The following SYNE2 variants were observed in gnomAD, a reference collection of about 807,000 sequenced individuals.
SYNE2 encodes the protein spectrin repeat containing nuclear envelope protein 2.
In SYNE2, 431 loss-of-function variants were observed where a neutral mutation model predicts 856.3. The ratio of observed to expected loss-of-function variants is 0.50; its 90% CI spans 0.47 to 0.55. The LOEUF (loss-of-function observed/expected upper bound fraction) is 0.55. Among genes scored for constraint, SYNE2 ranks in the 20% least tolerant of loss-of-function variants. The pLI, the probability that SYNE2 is intolerant of heterozygous loss-of-function variation, is 0.00. For synonymous variants in SYNE2, 2,923 were observed against 2,872.3 expected, an observed-to-expected ratio of 1.02 and a Z score of -0.56; for missense variants, 8,129 against 8,023.2, an observed-to-expected ratio of 1.01 and a Z score of -0.50.
intron 1 of SYNE2, among the ~76,000 whole-genome samples, chr14:63,781,596 A>T (rs2139738477): frequency 6.6e-6 from 1 of 151,884 alleles, no homozygotes; most frequent in East Asian, 1.9e-4. Flanking sequence ...GAAGTTACAC[A>T]TATGGAGAAG....
At chr14:63,829,598 T>C (rs1357040267) in intron 1 of SYNE2, among the ~76,000 whole-genome samples, 1 of 152,108 alleles carries the variant, frequency 6.6e-6, no homozygotes, top group African/African-American at 2.4e-5. Flanking sequence ...TTTTATTTAT[T>C]TTTACTTTAT....
intron 99 of SYNE2, among the ~76,000 whole-genome samples, chr14:64,200,356 C>G (rs562490497): frequency 2.0e-5 from 3 of 152,138 alleles, no homozygotes; most frequent in Non-Finnish European, 4.4e-5. Flanking sequence ...CCCCCACCCC[C>G]GGGAAGCTCT....
intron 18 of SYNE2, among the ~76,000 whole-genome samples, chr14:63,985,270 C>T (rs931269612): frequency 9.4e-5 from 14 of 149,478 alleles, no homozygotes; most frequent in African/African-American, 3.2e-4. Context: ...GCGGAGGTTG[C>T]CGTGAGCCAA....
rs781612564 is a variant in SYNE2 at position 64,021,941 on chromosome 14, G to A, written c.5437G>A (p.Glu1813Lys). The A allele has an allele frequency of 3.1e-6, 5 of 1,613,902 alleles. No homozygotes were observed. In the South Asian group the frequency reaches 4.4e-5, roughly 14 times the overall value. Residue 1813 changes from glutamate to lysine, a missense_variant, in exon 37 of 116, where the codon GAA becomes AAA. Transcript: ENST00000555002. ...QIGCLTPELS[E>K]LKKQYESVSD... The stretch of plus-strand genomic sequence containing the variant: ...AGGTTGTCTGACTCCTGAACTCTCT[G>A]AATTGAAAAAGCAATATGAAAGTGT...
intron 10 of SYNE2, among the ~76,000 whole-genome samples, chr14:63,965,808 G>C (rs574590361): frequency 1.3e-5 from 2 of 152,264 alleles, no homozygotes; most frequent in South Asian, 4.1e-4. Context: ...TTCTTCCTTT[G>C]GTCTGAACTG....
In SYNE2 at chr14:64,023,093, C is replaced by CA. The variant is rs2096949510; in HGVS notation, c.5637+236dup. 4 of 477,328 alleles carry CA rather than the reference C, an allele frequency of 8.4e-6. No individual in the cohort carries two copies. The South Asian group carries it at 9.3e-5, about 11-fold the overall frequency. The allele number at this position is 477,328 out of a possible 1,614,324, so 29.6% of individuals were successfully genotyped here. A position where few individuals can be genotyped will look rare whatever the true frequency, so the allele number is the denominator to read the frequency against. On this transcript the variant is annotated intron_variant, in intron 38 of 115. Coordinates refer to ENST00000555002, the MANE Select transcript of SYNE2 (RefSeq NM_182914.3). ...AGCTCATGGTGAAACCTTATCTCTA[C>CA]AAAAAATACAAAAATTAGCTGGGTG...
At position 64,080,464 on chromosome 14, in the gene SYNE2, G is replaced by T. The variant is rs1206713579; in HGVS notation, c.11172G>T (p.Trp3724Cys). Residue 3724 changes from tryptophan to cysteine, a missense_variant, in exon 56 of 116, where the codon TGG becomes TGT. Around this residue, in one of 3 missense-constraint regions of SYNE2, gnomAD observed 5,410 missense variants for 5,284.8 expected, o/e 1.02. Transcript: ENST00000555002. ...EKAQEIQKKM[W>C]DELDLWHSKL... ...ACGATTTCCTTCTCCAGAAAATGTG[G>T]GACGAGTTAGATCTATGGCATTCCA... The T allele has an allele frequency of 6.2e-7, 1 of 1,614,060 alleles. No homozygotes were observed.
chr14:64,136,498 GCTTAA>G (rs984673929), intron 78 of SYNE2, among the ~76,000 whole-genome samples: 8 of 151,880 alleles, frequency 5.3e-5, no homozygotes, highest in Non-Finnish European at 1.2e-4. Flanking sequence ...GATTTAAAAG[GCTTAA>G]CTTAATTTGA....
intron 96 of SYNE2, among the ~76,000 whole-genome samples, chr14:64,180,657 C>T (rs930000224): frequency 6.6e-6 from 1 of 152,144 alleles, no homozygotes; most frequent in Non-Finnish European, 1.5e-5. Flanking sequence ...GCACCCGCCA[C>T]CACGCCCAGC....
At position 64,158,614 on chromosome 14, in the gene SYNE2, T is replaced by C; in HGVS notation, c.15793-11T>C. ...ATTTTCTAAATCAGTACGTTTCCAC[T>C]TTTTGTCTAGGTCAATCAGCTCAAA... On this transcript the variant is annotated splice_polypyrimidine_tract_variant and intron_variant, in intron 85 of 115. Coordinates refer to ENST00000555002, the MANE Select transcript of SYNE2 (RefSeq NM_182914.3). The C allele has an allele frequency of 6.2e-7, 1 of 1,613,732 alleles. No homozygotes were observed. Among genetic ancestry groups the C allele is most frequent in the South Asian group, 1.1e-5 (1 of 91,058 alleles).
intron 1 of SYNE2, among the ~76,000 whole-genome samples, chr14:63,830,837 A>ATT (rs1889638410): frequency 9.4e-6 from 1 of 106,418 alleles, no homozygotes; most frequent in African/African-American, 3.4e-5. Context: ...CAGTGATCCC[A>ATT]TTCTTTTTTT....
chr14:63,770,563 G>T (rs1886862552), intron 1 of SYNE2, among the ~76,000 whole-genome samples: 1 of 152,158 alleles, frequency 6.6e-6, no homozygotes, highest in South Asian at 2.1e-4. Context: ...ACTTTGGGAG[G>T]CTAAAGCAGG....
At chr14:64,037,934 G>C (rs1303451616) in intron 45 of SYNE2, among the ~76,000 whole-genome samples, 2 of 151,462 alleles carry the variant, frequency 1.3e-5, no homozygotes, top group East Asian at 3.9e-4. Context: ...CTGGCCGGGC[G>C]GGGGGCTGAC....
intron 79 of SYNE2, among the ~76,000 whole-genome samples, chr14:64,139,163 T>C (rs924554799): frequency 3.3e-5 from 5 of 151,860 alleles, no homozygotes; most frequent in African/African-American, 9.7e-5. Context: ...TTGTATTTTT[T>C]GTAGAAATGG....
chr14:63,982,765 T>C lies in SYNE2; in HGVS notation c.1972T>C (p.Trp658Arg). 6.2e-7 allele frequency: 1 copy of C among 1,614,038 alleles called. No individual in the cohort carries two copies. The highest frequency in any genetic ancestry group is 8.5e-7 in the Non-Finnish European group (1 of 1,179,972). Residue 658 changes from tryptophan (W) to arginine (R), a missense_variant, in exon 17 of 116, where the codon TGG becomes CGG. By Grantham distance (101) the Trp-to-Arg change is moderately radical. Transcript: ENST00000555002. The stretch of plus-strand genomic sequence containing the variant: ...AGAACTGAGAAGGCTGAATAAAAGA[T>C]GGAGAAAGTTGGTTTCAAAAACTCA... Reference protein sequence around the residue: ...SKELRRLNKRWRKLVSKTQLE... With the variant: ...SKELRRLNKRRRKLVSKTQLE...
intron 17 of SYNE2, 75 bp downstream of exon 17, chr14:63,982,869 A>G: frequency 6.8e-7 from 1 of 1,475,542 alleles, no homozygotes; most frequent in Non-Finnish European, 9.4e-7. Context: ...TTGTAAGTTC[A>G]TAACCAATTG....
intron 2 of SYNE2, among the ~76,000 whole-genome samples, chr14:63,919,640 A>G (rs1267447399): frequency 1.3e-5 from 2 of 152,210 alleles, no homozygotes; most frequent in East Asian, 3.8e-4. Context: ...ACTGAGAAGG[A>G]GTAGCCAGTG....
intron 1 of SYNE2, among the ~76,000 whole-genome samples, chr14:63,896,628 C>T (rs1282125912): frequency 6.6e-6 from 1 of 152,178 alleles, no homozygotes; most frequent in Non-Finnish European, 1.5e-5. Flanking sequence ...GAAACAGGAC[C>T]TTGGAGAAGC....
In SYNE2 at chr14:64,081,690, G is replaced by A. The variant is rs748791820; in HGVS notation, c.11484+110G>A. ...TCCTTTCCTGAAATACAACCTTACC[G>A]CTAACCATGTCAGTGGCAGAAGGAA... On this transcript the variant is annotated intron_variant, in intron 57 of 115. Transcript: ENST00000555002. 1.4e-5 allele frequency: 18 copies of A among 1,253,076 alleles called. 1 individual carries two copies. The highest frequency in any genetic ancestry group is 2.6e-4 in the Middle Eastern group (1 of 3,794). 77.6% of individuals were successfully genotyped at this position (1,253,076 alleles called of 1,614,324 possible). A position where few individuals can be genotyped will look rare whatever the true frequency, so the allele number is the denominator to read the frequency against.
Sources: allele counts gnomAD v4.1 joint callset (sites outside exome capture counted in the v4.1 genomes callset), GRCh38; gene constraint gnomAD v4.1.1; regional missense constraint gnomAD v4.1.1; transcripts MANE v1.5; gene names NCBI Gene and HGNC (gene_info 2026-07-23, HGNC 2026-07-21).